The following FRY variants were observed in gnomAD, a reference collection of about 807,000 sequenced individuals.
The protein encoded by FRY is FRY microtubule binding protein.
A neutral mutation model predicts 348.4 loss-of-function variants in FRY; 128 were observed. The ratio of observed to expected loss-of-function variants is 0.37; its 90% CI spans 0.32 to 0.43. The LOEUF is 0.43. Among genes scored for constraint, FRY ranks in the 20% least tolerant of loss-of-function variants. The pLI, the probability that FRY is intolerant of heterozygous loss-of-function variation, is 1.00. For missense variants in FRY, 2,736 were observed against 3,695.2 expected (o/e 0.74, Z 6.73); for synonymous variants, 1,370 against 1,374.7 (o/e 1.00, Z 0.08).
intron 28 of FRY, among the ~76,000 whole-genome samples, chr13:32,190,293 C>T (rs1883264024): frequency 6.6e-6 from 1 of 152,010 alleles, no homozygotes; most frequent in African/African-American, 2.4e-5. Flanking sequence ...GTCACCACCT[C>T]TATCAACATC....
rs1886129297 is a variant in FRY at position 32,234,679 on chromosome 13, A to T, written c.5633A>T (p.Lys1878Met). 2.5e-6 allele frequency: 4 copies of T among 1,614,124 alleles called. No individual in the cohort carries two copies. Among genetic ancestry groups the T allele is most frequent in the Non-Finnish European group, 3.4e-6 (4 of 1,180,024 alleles). Residue 1878 changes from lysine to methionine, a missense_variant, in exon 42 of 61, where the codon AAG becomes ATG. Lys to Met is a moderately conservative substitution (Grantham distance 95). Transcript: ENST00000542859. ...GRSFQIFRALKQPLSAHALSD... is the reference protein window; with the variant it reads ...GRSFQIFRALMQPLSAHALSD... ...TCCTTCCAGATATTCCGGGCCCTCA[A>T]GCAACCTCTGTCAGCACATGCCTTA...
chr13:32,119,589 T>C (rs764655905), intron 4 of FRY, among the ~76,000 whole-genome samples: 22 of 152,164 alleles, frequency 1.4e-4, no homozygotes, highest in Non-Finnish European at 3.1e-4. Flanking sequence ...AGCACAAAAA[T>C]ACTCTCTCTA....
At chr13:32,252,391 C>T (rs1003403844) in intron 50 of FRY, among the ~76,000 whole-genome samples, 1 of 152,098 alleles carries the variant, frequency 6.6e-6, no homozygotes, top group African/African-American at 2.4e-5. Flanking sequence ...AATAATGTTT[C>T]TTTGCATATA....
At chr13:32,172,136 G>A (rs1482960951) in intron 18 of FRY, among the ~76,000 whole-genome samples, 3 of 151,606 alleles carry the variant, frequency 2.0e-5, no homozygotes, top group Admixed American at 2.0e-4. Context: ...ATGTAGATGT[G>A]GATATAGATG....
chr13:32,262,778 A>G (rs944777559), intron 53 of FRY, among the ~76,000 whole-genome samples: 1 of 152,210 alleles, frequency 6.6e-6, no homozygotes, highest in Non-Finnish European at 1.5e-5. Flanking sequence ...TATGTCTGAG[A>G]TGGCTGTGAC....
At chr13:32,264,903 A>C (rs528552687) in intron 53 of FRY, among the ~76,000 whole-genome samples, 12 of 152,358 alleles carry the variant, frequency 7.9e-5, no homozygotes, top group African/African-American at 2.9e-4. Context: ...TATCCTGGGC[A>C]TCTACTGCGC....
chr13:32,274,517 A>C (rs995400214), intron 55 of FRY, among the ~76,000 whole-genome samples: 15 of 151,784 alleles, frequency 9.9e-5, no homozygotes, highest in Admixed American at 2.0e-4. Flanking sequence ...ATCCTGGCTA[A>C]CACAGTGAAA....
At chr13:32,156,876 G>A (rs1881149936) in intron 15 of FRY, among the ~76,000 whole-genome samples, 1 of 151,968 alleles carries the variant, frequency 6.6e-6, no homozygotes, top group Non-Finnish European at 1.5e-5. Context: ...AGGGCCATAT[G>A]GAGTTATTAA....
At chr13:32,242,771 G>A (rs1034432240) in intron 46 of FRY, among the ~76,000 whole-genome samples, 1 of 152,132 alleles carries the variant, frequency 6.6e-6, no homozygotes, top group African/African-American at 2.4e-5. Context: ...CTGACCTCAG[G>A]TGATCCACCC....
chr13:32,232,617 C>T (rs1195224297), intron 41 of FRY, among the ~76,000 whole-genome samples: 1 of 152,228 alleles, frequency 6.6e-6, no homozygotes, highest in Non-Finnish European at 1.5e-5. Context: ...GGGCCCTCTG[C>T]ATCCAGCCAG....
intron 1 of FRY, among the ~76,000 whole-genome samples, chr13:32,074,464 C>T (rs1297899913): frequency 6.6e-6 from 1 of 152,066 alleles, no homozygotes; most frequent in Admixed American, 6.5e-5. Flanking sequence ...CACACCAGCC[C>T]CCACCACAGG....
At chr13:32,093,947 G>C (rs184726797) in intron 2 of FRY, among the ~76,000 whole-genome samples, 1 of 152,160 alleles carries the variant, frequency 6.6e-6, no homozygotes, top group African/African-American at 2.4e-5. Context: ...TAAAGTATAC[G>C]AAGTCTTTCT....
In FRY at chr13:32,178,877, C is replaced by A; in HGVS notation, c.2715C>A (p.Ala905=). ...SPINAKKTST[A]GSGDNYVTLW... ...TTAATGCCAAGAAAACCAGCACTGCCGGCAGCGGAGACAACTATGTTACTT... is the reference window on the plus strand; with the variant it reads ...TTAATGCCAAGAAAACCAGCACTGCAGGCAGCGGAGACAACTATGTTACTT... Residue 905 remains alanine (A), a synonymous_variant, in exon 22 of 61, where the codon GCC becomes GCA. Transcript: ENST00000542859. 2 of 1,613,610 alleles carry A rather than the reference C, an allele frequency of 1.2e-6. No homozygotes were observed. The highest frequency in any genetic ancestry group is 1.7e-6 in the Non-Finnish European group (2 of 1,179,552).
At position 32,289,698 on chromosome 13, in the gene FRY, C is replaced by T; in HGVS notation, c.8535C>T (p.Tyr2845=). 3 of 1,613,058 alleles carry T rather than the reference C, an allele frequency of 1.9e-6. No homozygotes were observed. Among genetic ancestry groups the T allele is most frequent in the South Asian group, 1.1e-5 (1 of 91,062 alleles). The part of the protein sequence containing the change: ...HFQLLLLFQS[Y]CKLIGQVHEV... ...AGCTGCTATTGCTTTTTCAGTCCTA[C>T]TGTAAGCTCATCGGCCAGGTGCACG... Residue 2845 remains tyrosine, a synonymous_variant, in exon 59 of 61, where the codon TAC becomes TAT. Transcript: ENST00000542859.
At chr13:32,158,135 G>C (rs1400981095) in intron 16 of FRY, among the ~76,000 whole-genome samples, 2 of 152,154 alleles carry the variant, frequency 1.3e-5, no homozygotes, top group Non-Finnish European at 2.9e-5. Context: ...GATTCATATT[G>C]TGGTGTGCAT....
In FRY at chr13:32,186,440, C is replaced by T. The variant is rs774000595; in HGVS notation, c.3480+20C>T. On this transcript the variant is annotated intron_variant, in intron 27 of 60. Coordinates refer to ENST00000542859, the MANE Select transcript of FRY (RefSeq NM_023037.3). The stretch of plus-strand genomic sequence containing the variant: ...TTAAAAGTAGGTGATATTGTACTCA[C>T]GAATGACTGAGTCAGATGGATGGTC... 1.2e-4 allele frequency: 175 copies of T among 1,492,824 alleles called. No individual in the cohort carries two copies. Among genetic ancestry groups the T allele is most frequent in the Admixed American group, 2.2e-4 (13 of 59,838 alleles). The allele number at this position is 1,492,824 out of a possible 1,614,324, so 92.5% of individuals were successfully genotyped here.
chr13:32,249,449 G>T, intron 48 of FRY, 77 bp from the exon 49 acceptor site: 1 of 1,492,050 alleles, frequency 6.7e-7, no homozygotes, highest in Non-Finnish European at 9.2e-7. Flanking sequence ...GCAGCTCTTG[G>T]TTGCTTCTGG....
intron 14 of FRY, among the ~76,000 whole-genome samples, chr13:32,153,354 A>G (rs984225847): frequency 6.6e-6 from 1 of 152,206 alleles, no homozygotes; most frequent in African/African-American, 2.4e-5. Context: ...AATGGGTACT[A>G]TTTAGCAATA....
At chr13:32,061,151 A>G (rs747758546) in intron 1 of FRY, 9 of 533,338 alleles carry the variant, frequency 1.7e-5, no homozygotes, top group Admixed American at 7.8e-5. Context: ...GATCAGCTTC[A>G]TAAAAGGGCT....
Sources: allele counts gnomAD v4.1 joint callset (sites outside exome capture counted in the v4.1 genomes callset), GRCh38; gene constraint gnomAD v4.1.1; transcripts MANE v1.5; gene names NCBI Gene and HGNC (gene_info 2026-07-23, HGNC 2026-07-21).